Variants in SH3RF1 observed in about 807,000 individuals in gnomAD.
The protein encoded by SH3RF1 is E3 ubiquitin-protein ligase SH3RF1.
A neutral mutation model predicts 74.0 loss-of-function variants in SH3RF1; 32 were observed. The observed-to-expected ratio is 0.43, with a 90% CI of 0.33 to 0.58. SH3RF1 has a LOEUF of 0.58. Ranked by LOEUF, SH3RF1 falls within the 20% of genes least tolerant of loss-of-function variation. The pLI is 0.05. For missense variants in SH3RF1, 954 were observed against 1,130.9 expected (o/e 0.84, Z 2.24); for synonymous variants, 396 against 439.6 (o/e 0.90, Z 1.24).
intron 2 of SH3RF1, among the ~76,000 whole-genome samples, chr4:169,190,474 G>A (rs1256805232): frequency 6.6e-6 from 1 of 151,924 alleles, no homozygotes; most frequent in Non-Finnish European, 1.5e-5. Flanking sequence ...AAACCTAGAG[G>A]AGATGGATAA....
intron 2 of SH3RF1, among the ~76,000 whole-genome samples, chr4:169,199,785 C>G (rs1473710610): frequency 6.6e-6 from 1 of 151,992 alleles, no homozygotes; most frequent in Non-Finnish European, 1.5e-5. Context: ...AAAGGTGTGA[C>G]AAATATAAAT....
chr4:169,240,102 G>A (rs924911697), intron 2 of SH3RF1, among the ~76,000 whole-genome samples: 8 of 152,094 alleles, frequency 5.3e-5, no homozygotes, highest in Non-Finnish European at 1.0e-4. Context: ...ACATCTAAGA[G>A]TAAAGTCACC....
intron 4 of SH3RF1, among the ~76,000 whole-genome samples, chr4:169,154,008 C>T (rs759661396): frequency 1.3e-5 from 2 of 152,092 alleles, no homozygotes; most frequent in African/African-American, 4.8e-5. Context: ...AACCAAGTAT[C>T]AGCATGTAAT....
At chr4:169,258,950 T>C (rs554018563) in intron 2 of SH3RF1, among the ~76,000 whole-genome samples, 1 of 152,266 alleles carries the variant, frequency 6.6e-6, no homozygotes, top group South Asian at 2.1e-4. Context: ...ATACAAATGC[T>C]AGGGATATTT....
chr4:169,129,748 A>G (rs1008171448), intron 6 of SH3RF1, among the ~76,000 whole-genome samples: 2 of 152,254 alleles, frequency 1.3e-5, no homozygotes, highest in African/African-American at 4.8e-5. Flanking sequence ...TAGAAACTCA[A>G]AAGAAATAAA....
chr4:169,117,817 C>A, intron 8 of SH3RF1, 35 bp from the exon 9 acceptor site: 1 of 1,582,686 alleles, frequency 6.3e-7, no homozygotes, highest in South Asian at 1.1e-5. Flanking sequence ...AAAGCCCAGT[C>A]CATCAGCAAA....
chr4:169,156,494 C>A lies in SH3RF1; in HGVS notation c.579G>T (p.Pro193=). ...FPTNFVQIIK[P]LPQPPPQCKA... The stretch of plus-strand genomic sequence containing the variant: ...TGCACTGAGGTGGGGGCTGAGGTAA[C>A]GGTTTAATAATCTGCACAAAGTTGG... The change falls in exon 3 of 12, where the codon CCG becomes CCT. Residue 193 remains proline, a synonymous_variant. Transcript: ENST00000284637. 1.2e-6 allele frequency: 2 copies of A among 1,613,948 alleles called. No individual in the cohort carries two copies. Among genetic ancestry groups the A allele is most frequent in the Non-Finnish European group, 1.7e-6 (2 of 1,179,908 alleles).
chr4:169,233,259 A>AC (rs1730772864), intron 2 of SH3RF1, among the ~76,000 whole-genome samples: 1 of 151,484 alleles, frequency 6.6e-6, no homozygotes, highest in African/African-American at 2.4e-5. Context: ...AAAAAAAAAA[A>AC]AAAAAAAAAA....
intron 2 of SH3RF1, among the ~76,000 whole-genome samples, chr4:169,210,654 T>A (rs1244582959): frequency 6.6e-6 from 1 of 152,238 alleles, no homozygotes; most frequent in African/African-American, 2.4e-5. Context: ...AGTGTCTCCA[T>A]GCATAGTCGA....
chr4:169,254,582 T>C (rs1731154759), intron 2 of SH3RF1, among the ~76,000 whole-genome samples: 1 of 152,010 alleles, frequency 6.6e-6, no homozygotes. Flanking sequence ...AACTAACCAC[T>C]CGAGAGATGG....
intron 11 of SH3RF1, among the ~76,000 whole-genome samples, chr4:169,103,345 A>G (rs1665837188): frequency 6.6e-6 from 1 of 152,118 alleles, no homozygotes; most frequent in Non-Finnish European, 1.5e-5. Context: ...TCCCAATAAT[A>G]TAAATTGAAA....
intron 2 of SH3RF1, among the ~76,000 whole-genome samples, chr4:169,247,546 G>A (rs1375408935): frequency 5.3e-5 from 8 of 152,278 alleles, no homozygotes; most frequent in African/African-American, 1.9e-4. Flanking sequence ...ATCTAGATAG[G>A]TGAACAAAGT....
intron 10 of SH3RF1, among the ~76,000 whole-genome samples, chr4:169,115,710 G>A (rs1490593527): frequency 6.6e-6 from 1 of 152,170 alleles, no homozygotes; most frequent in African/African-American, 2.4e-5. Flanking sequence ...CACCACCCCT[G>A]GGTCCATGGA....
chr4:169,162,844 A>C (rs1734171609), intron 2 of SH3RF1, among the ~76,000 whole-genome samples: 1 of 152,160 alleles, frequency 6.6e-6, no homozygotes, highest in Non-Finnish European at 1.5e-5. Context: ...GGGCTGACCA[A>C]GGCCAGCCTT....
At chr4:169,248,011 G>C (rs996156327) in intron 2 of SH3RF1, among the ~76,000 whole-genome samples, 15 of 152,214 alleles carry the variant, frequency 9.9e-5, no homozygotes, top group Admixed American at 8.5e-4. Flanking sequence ...AGGATGTGGA[G>C]AAACAGAAAT....
At chr4:169,125,826 T>G (rs1733515151) in intron 6 of SH3RF1, among the ~76,000 whole-genome samples, 1 of 152,212 alleles carries the variant, frequency 6.6e-6, no homozygotes, top group African/African-American at 2.4e-5. Flanking sequence ...GAATACTGGT[T>G]GATGAGGGAA....
rs1263602000 is a variant in SH3RF1, at chr4:169,095,000, C to T, written c.*1519G>A. On this transcript the variant is annotated 3_prime_UTR_variant, in exon 12 of 12. Transcript: ENST00000284637. ...TCTTATTCATTACCAGGCTGTCTTC[C>T]CTCCTTTTGTTTTCCGGACTACCCA... 1.3e-5 allele frequency: 2 copies of T among 152,588 alleles called. No individual in the cohort carries two copies. The highest frequency in any genetic ancestry group is 4.8e-5 in the African/African-American group (2 of 41,524). 9.5% of individuals were successfully genotyped at this position (152,588 alleles called of 1,614,324 possible). A position where few individuals can be genotyped will look rare whatever the true frequency, so the allele number is the denominator to read the frequency against.
At chr4:169,152,691 T>C (rs1579109188) in intron 4 of SH3RF1, among the ~76,000 whole-genome samples, 3 of 152,274 alleles carry the variant, frequency 2.0e-5, no homozygotes, top group African/African-American at 7.2e-5. Context: ...GAGCCAAGAT[T>C]GTGCCATTGC....
In SH3RF1 at chr4:169,145,899, C is replaced by G. The variant is rs9995288; in HGVS notation, c.766-9279G>C. Reference sequence around the variant, plus strand: ...ATATATTATTCTATATAAAATATTACATATTCTATATATTATTCTATATAA... The same window carrying G: ...ATATATTATTCTATATAAAATATTAGATATTCTATATATTATTCTATATAA... On this transcript the variant is annotated intron_variant, in intron 4 of 11. Coordinates refer to ENST00000284637, the MANE Select transcript of SH3RF1 (RefSeq NM_020870.4). Among the ~76,000 whole-genome samples, 47 of 92,530 alleles carry G rather than the reference C, an allele frequency of 5.1e-4. 6 individuals are homozygous for G. The highest frequency in any genetic ancestry group is 2.4e-3 in the African/African-American group (43 of 18,158). The allele number at this position is 92,530 out of a possible 152,430, so 60.7% of individuals were successfully genotyped here.
Sources: allele counts gnomAD v4.1 joint callset (sites outside exome capture counted in the v4.1 genomes callset), GRCh38; gene constraint gnomAD v4.1.1; transcripts MANE v1.5; gene names NCBI Gene and HGNC (gene_info 2026-07-23, HGNC 2026-07-21).